The following CDH11 variants were observed in gnomAD, a reference collection of about 807,000 sequenced individuals.
The protein encoded by CDH11 is cadherin 11.
CDH11 carries 11 observed loss-of-function variants against 67.8 expected under a neutral mutation model. The observed-to-expected ratio is 0.16, with a 90% CI of 0.10 to 0.27. The LOEUF is 0.27. Ranked by LOEUF, CDH11 falls within the 10% of genes least tolerant of loss-of-function variation. The pLI, the probability that CDH11 is intolerant of heterozygous loss-of-function variation, is 1.00. For synonymous variants in CDH11, 419 were observed against 400.0 expected (o/e 1.05, Z -0.57); for missense variants, 847 against 1,031.2 (o/e 0.82, Z 2.45).
At chr16:65,012,792 GA>G (rs984425198) in intron 2 of CDH11, among the ~76,000 whole-genome samples, 5 of 152,194 alleles carry the variant, frequency 3.3e-5, no homozygotes, top group African/African-American at 1.2e-4. Context: ...GTATCAAGAG[GA>G]AAAAAGTTTG....
At chr16:64,966,809 A>G (rs1017836490) in intron 11 of CDH11, among the ~76,000 whole-genome samples, 1 of 152,188 alleles carries the variant, frequency 6.6e-6, no homozygotes, top group African/African-American at 2.4e-5. Flanking sequence ...GAATTAAAAG[A>G]ACATTAAAAC....
At chr16:65,066,797 T>A (rs1329289432) in intron 1 of CDH11, among the ~76,000 whole-genome samples, 1 of 152,256 alleles carries the variant, frequency 6.6e-6, no homozygotes, top group African/African-American at 2.4e-5. Context: ...GCAGAAACTC[T>A]GTCATCTGCA....
chr16:64,961,829 A>G (rs2071682882), intron 11 of CDH11, among the ~76,000 whole-genome samples: 1 of 152,170 alleles, frequency 6.6e-6, no homozygotes, highest in Non-Finnish European at 1.5e-5. Flanking sequence ...TAGAATCAAA[A>G]AATTGTAATA....
upstream of CDH11, chr16:65,122,109 GTGGCGGGCGGGCAGGCGGGTGC>G: frequency 1.8e-6 from 1 of 543,056 alleles, no homozygotes; most frequent in Non-Finnish European, 3.2e-6. Flanking sequence ...CCGGGGGGAG[GTGGCGGGCGGGCAGGCGGGTGC>G]GGGGCGGGGG....
chr16:65,031,322 AGGCTAATGGTGGTGTT>A (rs1231603235), intron 2 of CDH11, among the ~76,000 whole-genome samples: 1 of 152,258 alleles, frequency 6.6e-6, no homozygotes, highest in African/African-American at 2.4e-5. Flanking sequence ...GGTCACTGAT[AGGCTAATGGTGGTGTT>A]GGCTTGGTGG....
Position 64,945,820 on chromosome 16 carries a change from G to A in CDH11, c.*1783C>T. On this transcript the variant is annotated 3_prime_UTR_variant, in exon 13 of 13. Transcript: ENST00000268603. ...CATAACATGATATCAAGAAATGCTT[G>A]AAACAAACTTTCACAATAAAGTCAG... is the stretch of plus-strand genomic sequence containing the variant. 9.5e-7 allele frequency: 1 copy of A among 1,049,980 alleles called. No homozygotes were observed. Among genetic ancestry groups the A allele is most frequent in the Non-Finnish European group, 1.1e-6 (1 of 869,684 alleles). 65.0% of individuals were successfully genotyped at this position (1,049,980 alleles called of 1,614,324 possible).
chr16:64,965,205 CAAAAA>C (rs71143537), intron 11 of CDH11, among the ~76,000 whole-genome samples: 3,356 of 56,908 alleles, frequency 0.059, 81 homozygotes, highest in Non-Finnish European at 0.076. Flanking sequence ...CTAAAAATAC[CAAAAA>C]AAAAAAAAAA....
intron 2 of CDH11, among the ~76,000 whole-genome samples, chr16:65,052,481 G>A (rs2074072876): frequency 6.6e-6 from 1 of 152,130 alleles, no homozygotes; most frequent in African/African-American, 2.4e-5. Flanking sequence ...AGGCTTTGGG[G>A]GAAATAATGG....
intron 11 of CDH11, among the ~76,000 whole-genome samples, chr16:64,952,933 C>G (rs1428877352): frequency 6.6e-6 from 1 of 151,634 alleles, no homozygotes; most frequent in Non-Finnish European, 1.5e-5. Context: ...GTTATAGGAC[C>G]CTCCCCTGAA....
At chr16:65,034,855 C>T (rs2073720034) in intron 2 of CDH11, among the ~76,000 whole-genome samples, 1 of 152,156 alleles carries the variant, frequency 6.6e-6, no homozygotes, top group Admixed American at 6.5e-5. Context: ...GCCCCTCAGC[C>T]TCTGAGGGAC....
intron 1 of CDH11, among the ~76,000 whole-genome samples, chr16:65,111,674 A>AACACAC (rs71143552): frequency 0.042 from 5,926 of 140,664 alleles, 136 homozygotes; most frequent in African/African-American, 0.06. Context: ...GAAAGCTAGA[A>AACACAC]ACACACACAC....
At chr16:65,114,005 G>C (rs1434645893) in intron 1 of CDH11, among the ~76,000 whole-genome samples, 2 of 152,034 alleles carry the variant, frequency 1.3e-5, no homozygotes, top group African/African-American at 4.8e-5. Context: ...GAGCCTTCAA[G>C]AAAAGGAAAA....
rs55992835 is a variant in CDH11, at chr16:64,965,771, AACACACACACACACACAC to A, written c.1642+5790_1642+5807del. On this transcript the variant is annotated intron_variant, in intron 11 of 12. Transcript: ENST00000268603. ...CAAGACATTGTTATGCGGTGCATGA[AACACACACACACACACAC>A]ACACACACACACACACACACACACA... Among the ~76,000 whole-genome samples the A allele has an allele frequency of 2.4e-3, 355 of 146,080 alleles. 1 individual carries two copies. The highest frequency in any genetic ancestry group is 0.016 in the South Asian group (75 of 4,558).
chr16:65,011,165 T>C (rs146326259), intron 2 of CDH11, among the ~76,000 whole-genome samples: 1 of 150,382 alleles, frequency 6.6e-6, no homozygotes, highest in East Asian at 2.0e-4. Context: ...AGGAGGAAAG[T>C]GAGGCTTAGT....
At chr16:64,976,208 G>A (rs926825145) in intron 8 of CDH11, among the ~76,000 whole-genome samples, 5 of 152,098 alleles carry the variant, frequency 3.3e-5, no homozygotes, top group African/African-American at 1.2e-4. Context: ...TTACGGCTTG[G>A]GTAAAAGCCC....
chr16:64,956,909 G>C (rs2071528146), intron 11 of CDH11, among the ~76,000 whole-genome samples: 1 of 152,164 alleles, frequency 6.6e-6, no homozygotes, highest in African/African-American at 2.4e-5. Flanking sequence ...GGAACATTAA[G>C]ATGGAGAGAG....
chr16:65,025,843 T>C (rs1483762712), intron 2 of CDH11, among the ~76,000 whole-genome samples: 1 of 152,144 alleles, frequency 6.6e-6, no homozygotes, highest in Non-Finnish European at 1.5e-5. Flanking sequence ...GATTCTGTAG[T>C]GTTGACCTGT....
chr16:65,018,575 A>C (rs1162869575), intron 2 of CDH11, among the ~76,000 whole-genome samples: 1 of 152,206 alleles, frequency 6.6e-6, no homozygotes, highest in Non-Finnish European at 1.5e-5. Flanking sequence ...CAATTGCTAG[A>C]AGCTGTAAAT....
chr16:65,081,076 T>C lies in CDH11; in HGVS notation c.-297-27148A>G, dbSNP rs549259321. On this transcript the variant is annotated intron_variant, in intron 1 of 12. Coordinates refer to ENST00000268603, the MANE Select transcript of CDH11 (RefSeq NM_001797.4). ...AAAATTCACATTTTAATAATTTATA[T>C]ATGTTGAATATACAATAATCGTTAA... Among the ~76,000 whole-genome samples, 330 of 152,378 alleles carry C rather than the reference T, an allele frequency of 2.2e-3. 1 individual carries two copies. Among genetic ancestry groups the C allele is most frequent in the Non-Finnish European group, 4.2e-3 (283 of 68,036 alleles).
Sources: gnomAD v4.1 joint callset for allele counts (sites outside exome capture counted in the v4.1 genomes callset) on GRCh38, gnomAD v4.1.1 for gene constraint, MANE v1.5 for transcripts, NCBI Gene and HGNC (gene_info 2026-07-23, HGNC 2026-07-21) for gene names.